Variants in MCC observed in about 807,000 individuals in gnomAD.
MCC encodes the protein MCC regulator of Wnt signaling pathway, also known as colorectal mutant cancer protein.
Under a neutral mutation model 116.2 loss-of-function variants are expected in MCC, and 90 were observed. The ratio of observed to expected loss-of-function variants is 0.77; its 90% CI spans 0.65 to 0.92. The LOEUF (loss-of-function observed/expected upper bound fraction) is 0.92. Among genes scored for constraint, MCC ranks in the 40% least tolerant of loss-of-function variants. The pLI is 0.00. For missense variants in MCC, 1,516 were observed against 1,312.2 expected (o/e 1.16, Z -2.40); for synonymous variants, 578 against 510.5 (o/e 1.13, Z -1.78).
At chr5:113,188,207 T>C (rs1761994650) in intron 3 of MCC, among the ~76,000 whole-genome samples, 1 of 152,216 alleles carries the variant, frequency 6.6e-6, no homozygotes, top group Non-Finnish European at 1.5e-5. Flanking sequence ...TGGTTGTCTC[T>C]GGATGCCCCA....
chr5:113,232,964 G>A lies in MCC; in HGVS notation c.628-81542C>T, dbSNP rs59232589. Among the ~76,000 whole-genome samples the A allele has an allele frequency of 4.8e-3, 725 of 152,230 alleles. 7 individuals are homozygous for A. Among genetic ancestry groups the A allele is most frequent in the African/African-American group, 0.014 (598 of 41,536 alleles). ...AACCAGGATTGGAGAAGTCTGAAGC[G>A]TATGGAGCAGGCAGTTATTTTCAAA... On this transcript the variant is annotated intron_variant, in intron 3 of 18. Coordinates refer to ENST00000408903, the MANE Select transcript of MCC (RefSeq NM_001085377.2).
At chr5:113,092,089 T>G (rs558717488) in intron 8 of MCC, among the ~76,000 whole-genome samples, 1 of 152,304 alleles carries the variant, frequency 6.6e-6, no homozygotes, top group African/African-American at 2.4e-5. Context: ...ATCTAATGCC[T>G]ACTTAGAATA....
intron 8 of MCC, among the ~76,000 whole-genome samples, chr5:113,100,441 A>G (rs1399141512): frequency 6.9e-6 from 1 of 144,886 alleles, no homozygotes; most frequent in African/African-American, 2.6e-5. Flanking sequence ...AAGGATGATG[A>G]GACCCACTAG....
intron 3 of MCC, among the ~76,000 whole-genome samples, chr5:113,283,678 G>A (rs370778157): frequency 2.5e-4 from 38 of 152,260 alleles, no homozygotes; most frequent in Non-Finnish European, 3.7e-4. Flanking sequence ...AAAGAAAGGC[G>A]TATTGTCCCT....
rs76525993 is a variant in MCC, at chr5:113,136,319, G to A, written c.884+6899C>T. The stretch of plus-strand genomic sequence containing the variant: ...GAAGAAGTCTGCTTTTAGACCTAGT[G>A]ATGTAAACAGAGATCTGAAATAAGA... On this transcript the variant is annotated intron_variant, in intron 5 of 18. Coordinates refer to ENST00000408903, the MANE Select transcript of MCC (RefSeq NM_001085377.2). Among the ~76,000 whole-genome samples, 441 of 152,186 alleles carry A rather than the reference G, an allele frequency of 2.9e-3. 1 individual carries two copies. Among genetic ancestry groups the A allele is most frequent in the African/African-American group, 0.01 (428 of 41,504 alleles).
At chr5:113,233,339 G>C (rs777199300) in intron 3 of MCC, among the ~76,000 whole-genome samples, 1 of 152,142 alleles carries the variant, frequency 6.6e-6, no homozygotes, top group Non-Finnish European at 1.5e-5. Context: ...AATTATCTTA[G>C]ATAACTAAAT....
At chr5:113,129,563 T>A (rs1332143249) in intron 5 of MCC, among the ~76,000 whole-genome samples, 6 of 152,234 alleles carry the variant, frequency 3.9e-5, no homozygotes, top group Non-Finnish European at 2.9e-5. Flanking sequence ...TGGCTGACTT[T>A]TCCCTGTGTC....
chr5:113,190,692 G>A (rs1235021030), intron 3 of MCC, among the ~76,000 whole-genome samples: 1 of 152,188 alleles, frequency 6.6e-6, no homozygotes, highest in African/African-American at 2.4e-5. Context: ...ATATCCGAAT[G>A]GTTTCAGAAT....
chr5:113,146,469 C>G lies in MCC; in HGVS notation c.742-3109G>C, dbSNP rs940486512. 2.6e-5 allele frequency among the ~76,000 whole-genome samples: 4 copies of G among 151,518 alleles called. No individual in the cohort carries two copies. In the South Asian group the frequency reaches 8.4e-4, roughly 32 times the overall value. ...CTTGGTCTCAGACCCTGAAACGCCTCTGTGAACTCTAGGGAGCATGAATGT... is the reference window on the plus strand; with the variant it reads ...CTTGGTCTCAGACCCTGAAACGCCTGTGTGAACTCTAGGGAGCATGAATGT... On this transcript the variant is annotated intron_variant, in intron 4 of 18. Coordinates refer to ENST00000408903, the MANE Select transcript of MCC (RefSeq NM_001085377.2).
At chr5:113,475,384 C>T (rs1490745837) in intron 1 of MCC, among the ~76,000 whole-genome samples, 1 of 152,180 alleles carries the variant, frequency 6.6e-6, no homozygotes, top group African/African-American at 2.4e-5. Context: ...TTTACTTTTT[C>T]ACTTTATTAG....
At chr5:113,083,560 C>G (rs1051277848) in intron 10 of MCC, among the ~76,000 whole-genome samples, 3 of 152,152 alleles carry the variant, frequency 2.0e-5, no homozygotes, top group Non-Finnish European at 4.4e-5. Context: ...CTAAAAGATC[C>G]CTTAAAGAAA....
chr5:113,444,864 T>C (rs1378513323), intron 1 of MCC, among the ~76,000 whole-genome samples: 1 of 152,244 alleles, frequency 6.6e-6, no homozygotes. Flanking sequence ...AAGTGGGCTT[T>C]ACCACTGTTC....
At chr5:113,173,408 T>C (rs1315409989) in intron 3 of MCC, among the ~76,000 whole-genome samples, 1 of 152,230 alleles carries the variant, frequency 6.6e-6, no homozygotes, top group African/African-American at 2.4e-5. Context: ...TTACTCTAAA[T>C]GACAATATTA....
intron 3 of MCC, among the ~76,000 whole-genome samples, chr5:113,307,797 C>T (rs1767024313): frequency 6.6e-6 from 1 of 151,934 alleles, no homozygotes; most frequent in Non-Finnish European, 1.5e-5. Flanking sequence ...TTGTAGATTC[C>T]CCTTTTTCTT....
chr5:113,433,918 A>C (rs1429278424), intron 1 of MCC: 2 of 1,613,778 alleles, frequency 1.2e-6, no homozygotes, highest in Admixed American at 1.7e-5. Context: ...TTGGTGGCAG[A>C]CTTCTTGTCA....
chr5:113,488,157 A>C (rs968420696), intron 1 of MCC, 88 bp downstream of exon 1: 3 of 1,319,890 alleles, frequency 2.3e-6, no homozygotes, highest in South Asian at 1.8e-5. Context: ...ACTTGCCGCA[A>C]GTTGGGGCGA....
At chr5:113,482,323 G>A (rs1317522420) in intron 1 of MCC, among the ~76,000 whole-genome samples, 2 of 152,186 alleles carry the variant, frequency 1.3e-5, no homozygotes, top group East Asian at 3.8e-4. Context: ...TTATGTTTTA[G>A]AGGAATTGCT....
intron 3 of MCC, among the ~76,000 whole-genome samples, chr5:113,278,503 G>C (rs910524501): frequency 6.6e-6 from 1 of 152,186 alleles, no homozygotes; most frequent in Non-Finnish European, 1.5e-5. Flanking sequence ...AACCTAGACC[G>C]GGGGTGGCAA....
chr5:113,044,157 AT>A (rs1381314169), intron 16 of MCC, among the ~76,000 whole-genome samples: 1 of 152,206 alleles, frequency 6.6e-6, no homozygotes, highest in Admixed American at 6.5e-5. Flanking sequence ...TTGGTGCCCC[AT>A]CCCACGTCTC....
Sources: allele counts gnomAD v4.1 joint callset (sites outside exome capture counted in the v4.1 genomes callset), GRCh38; gene constraint gnomAD v4.1.1; transcripts MANE v1.5; gene names NCBI Gene and HGNC (gene_info 2026-07-23, HGNC 2026-07-21).